Variants in AGBL4 observed in about 807,000 individuals in gnomAD.
The protein encoded by AGBL4 is cytosolic carboxypeptidase 6.
Under a neutral mutation model 66.4 loss-of-function variants are expected in AGBL4, and 58 were observed. The observed-to-expected ratio is 0.87, with a 90% confidence interval of 0.71 to 1.09. The LOEUF is 1.09. Ranked by LOEUF, AGBL4 falls within the 50% of genes least tolerant of loss-of-function variation. AGBL4 has a pLI of 0.00. For missense variants in AGBL4, 579 were observed against 631.0 expected (o/e 0.92, Z 0.88); for synonymous variants, 234 against 222.9 (o/e 1.05, Z -0.44).
At chr1:48,637,713 T>C (rs1324318226) in intron 8 of AGBL4, among the ~76,000 whole-genome samples, 1 of 152,268 alleles carries the variant, frequency 6.6e-6, no homozygotes, top group Non-Finnish European at 1.5e-5. Flanking sequence ...CAAGTCTGGC[T>C]ACCAGTTTCT....
intron 5 of AGBL4, among the ~76,000 whole-genome samples, chr1:48,929,327 C>A (rs1654845482): frequency 6.6e-6 from 1 of 152,168 alleles, no homozygotes; most frequent in Non-Finnish European, 1.5e-5. Context: ...TTTGCTTCAG[C>A]CGCATTTGTA....
chr1:49,491,854 T>G, intron 3 of AGBL4, among the ~76,000 whole-genome samples: 1 of 151,946 alleles, frequency 6.6e-6, no homozygotes, highest in East Asian at 1.9e-4. Flanking sequence ...AAACCCCCAG[T>G]GGATGCCTGA....
intron 2 of AGBL4, among the ~76,000 whole-genome samples, chr1:49,809,920 A>G (rs1257322164): frequency 6.6e-6 from 1 of 152,158 alleles, no homozygotes; most frequent in African/African-American, 2.4e-5. Flanking sequence ...ACACCTGTCT[A>G]TTTAGTGGAT....
chr1:49,350,183 A>G (rs900604994), intron 3 of AGBL4, among the ~76,000 whole-genome samples: 23 of 144,754 alleles, frequency 1.6e-4, no homozygotes, highest in Non-Finnish European at 3.0e-4. Flanking sequence ...TTCAATGAAT[A>G]TTTGTTTTTT....
intron 6 of AGBL4, among the ~76,000 whole-genome samples, chr1:48,730,906 T>G (rs1462624732): frequency 6.6e-6 from 1 of 152,214 alleles, no homozygotes; most frequent in Non-Finnish European, 1.5e-5. Flanking sequence ...TAGGTTTAAC[T>G]GTCATTCTGG....
intron 3 of AGBL4, among the ~76,000 whole-genome samples, chr1:49,430,068 A>G (rs1041357864): frequency 6.6e-6 from 1 of 151,836 alleles, no homozygotes; most frequent in African/African-American, 2.4e-5. Context: ...GCTGGTCTCA[A>G]ACTCAAACTC....
At chr1:49,084,893 T>C (rs529850064) in intron 4 of AGBL4, among the ~76,000 whole-genome samples, 1 of 152,324 alleles carries the variant, frequency 6.6e-6, no homozygotes, top group East Asian at 1.9e-4. Context: ...GAGACCGTCA[T>C]GTTGTCCTTT....
intron 5 of AGBL4, among the ~76,000 whole-genome samples, chr1:48,912,808 G>T (rs1246698125): frequency 6.6e-6 from 1 of 152,166 alleles, no homozygotes; most frequent in Non-Finnish European, 1.5e-5. Context: ...CACAACAGTT[G>T]TGGAGACAGA....
chr1:49,259,968 C>T (rs1013369397), intron 3 of AGBL4, among the ~76,000 whole-genome samples: 19 of 152,144 alleles, frequency 1.2e-4, no homozygotes, highest in Admixed American at 1.2e-3. Flanking sequence ...TCTCAGACCA[C>T]AGTGCAATCA....
At chr1:48,927,842 A>C (rs1463701735) in intron 5 of AGBL4, among the ~76,000 whole-genome samples, 1 of 152,198 alleles carries the variant, frequency 6.6e-6, no homozygotes, top group Admixed American at 6.6e-5. Flanking sequence ...TGGTATTCCC[A>C]TGAAATCCAT....
intron 6 of AGBL4, among the ~76,000 whole-genome samples, chr1:48,757,101 T>A (rs1302764844): frequency 6.6e-6 from 1 of 152,210 alleles, no homozygotes; most frequent in Non-Finnish European, 1.5e-5. Context: ...TAAACTCAGT[T>A]CATAATCATG....
intron 6 of AGBL4, among the ~76,000 whole-genome samples, chr1:48,710,033 T>C (rs569186242): frequency 6.6e-5 from 10 of 152,326 alleles, no homozygotes; most frequent in Admixed American, 2.6e-4. Context: ...GATTAAATAA[T>C]GTTGCCAAGG....
At chr1:49,176,850 A>G (rs1050891930) in intron 4 of AGBL4, among the ~76,000 whole-genome samples, 6 of 152,124 alleles carry the variant, frequency 3.9e-5, no homozygotes, top group African/African-American at 1.4e-4. Context: ...TAACATGTGC[A>G]TACTAAGTCC....
At chr1:49,645,731 A>T (rs1461416276) in intron 3 of AGBL4, among the ~76,000 whole-genome samples, 1 of 150,556 alleles carries the variant, frequency 6.6e-6, no homozygotes. Flanking sequence ...TTGAAAACAC[A>T]CTCATATACC....
intron 5 of AGBL4, among the ~76,000 whole-genome samples, chr1:48,986,856 T>G (rs766872543): frequency 6.6e-6 from 1 of 152,042 alleles, no homozygotes; most frequent in African/African-American, 2.4e-5. Flanking sequence ...TAATGGAAAA[T>G]ATATTGATAT....
At chr1:49,028,435 C>A (rs1459551408) in intron 5 of AGBL4, among the ~76,000 whole-genome samples, 2 of 152,144 alleles carry the variant, frequency 1.3e-5, no homozygotes, top group Non-Finnish European at 2.9e-5. Context: ...ATGCCCAAGG[C>A]AGTTAATGAA....
At position 49,989,448 on chromosome 1, in the gene AGBL4, T is replaced by C. The variant is rs564215757; in HGVS notation, c.34+34315A>G. Among the ~76,000 whole-genome samples, 14 of 152,276 alleles carry C rather than the reference T, an allele frequency of 9.2e-5. No individual in the cohort carries two copies. In the East Asian group the frequency reaches 1.2e-3, roughly 13 times the overall value. ...GATAAGTAGCTTTCACAGCTTAACATAGGCCTGTTGTGGTAGTTACATATC... is the reference window on the plus strand; with the variant it reads ...GATAAGTAGCTTTCACAGCTTAACACAGGCCTGTTGTGGTAGTTACATATC... On this transcript the variant is annotated intron_variant, in intron 1 of 13. Transcript: ENST00000371839.
chr1:49,216,943 G>A (rs903339008), intron 4 of AGBL4, among the ~76,000 whole-genome samples: 1 of 152,084 alleles, frequency 6.6e-6, no homozygotes, highest in African/African-American at 2.4e-5. Flanking sequence ...CCCATTCACT[G>A]GGAATTAATG....
intron 3 of AGBL4, among the ~76,000 whole-genome samples, chr1:49,642,159 A>G (rs539285889): frequency 6.6e-6 from 1 of 152,182 alleles, no homozygotes; most frequent in South Asian, 2.1e-4. Context: ...AAAGGAAAAA[A>G]AGGTTTTAAA....
Sources: allele counts gnomAD v4.1 joint callset (sites outside exome capture counted in the v4.1 genomes callset), GRCh38; gene constraint gnomAD v4.1.1; transcripts MANE v1.5; gene names NCBI Gene and HGNC (gene_info 2026-07-23, HGNC 2026-07-21).